RUNDC3B: variants seen among roughly 807,000 people sequenced by gnomAD.
RUNDC3B encodes RUN domain containing 3B, also known as RUN domain-containing protein 3B.
A neutral mutation model predicts 58.4 loss-of-function variants in RUNDC3B; 33 were observed. That is an observed-to-expected ratio of 0.56 (90% confidence interval 0.43 to 0.75). The LOEUF is 0.75. Ranked by LOEUF, RUNDC3B falls within the 30% of genes least tolerant of loss-of-function variation. The pLI, the probability that RUNDC3B is intolerant of heterozygous loss-of-function variation, is 0.00. For synonymous variants in RUNDC3B, 193 were observed against 195.2 expected (o/e 0.99, Z 0.10); for missense variants, 501 against 535.7 (o/e 0.94, Z 0.64).
intron 1 of RUNDC3B, among the ~76,000 whole-genome samples, chr7:87,637,108 T>C (rs938397934): frequency 6.6e-6 from 1 of 152,092 alleles, no homozygotes; most frequent in South Asian, 2.1e-4. Context: ...TCCCATCTGC[T>C]CCCTCCCATG....
chr7:87,752,317 G>A (rs1387353841), intron 6 of RUNDC3B, among the ~76,000 whole-genome samples: 1 of 152,166 alleles, frequency 6.6e-6, no homozygotes, highest in African/African-American at 2.4e-5. Flanking sequence ...GTTCATCAAG[G>A]ATATTGGTCT....
chr7:87,697,850 A>G (rs554963948), intron 2 of RUNDC3B, among the ~76,000 whole-genome samples: 145 of 152,298 alleles, frequency 9.5e-4, no homozygotes, highest in Middle Eastern at 3.4e-3. Context: ...ATAGCTAGAA[A>G]GTGATCTAGT....
At chr7:87,662,410 T>C (rs1212889596) in intron 2 of RUNDC3B, among the ~76,000 whole-genome samples, 3 of 152,144 alleles carry the variant, frequency 2.0e-5, no homozygotes, top group Admixed American at 6.6e-5. Context: ...ATTTAATCCA[T>C]TTTGATTTGA....
chr7:87,813,854 G>T (rs186510392), intron 9 of RUNDC3B, among the ~76,000 whole-genome samples: 2 of 151,778 alleles, frequency 1.3e-5, no homozygotes, highest in East Asian at 2.0e-4. Flanking sequence ...GGTGGCAGGC[G>T]CCTGTAATCC....
intron 2 of RUNDC3B, among the ~76,000 whole-genome samples, chr7:87,693,510 T>C (rs1223987701): frequency 2.0e-5 from 3 of 152,224 alleles, no homozygotes; most frequent in Non-Finnish European, 2.9e-5. Context: ...GTGATTTTTT[T>C]TCCTAACCAA....
At chr7:87,703,753 C>T (rs2130709612) in intron 3 of RUNDC3B, among the ~76,000 whole-genome samples, 1 of 151,660 alleles carries the variant, frequency 6.6e-6, no homozygotes, top group South Asian at 2.1e-4. Flanking sequence ...AACTATTGTC[C>T]TTTGACCTCT....
intron 8 of RUNDC3B, among the ~76,000 whole-genome samples, chr7:87,799,449 AG>A (rs1171177546): frequency 9.9e-5 from 15 of 152,062 alleles, no homozygotes; most frequent in Non-Finnish European, 1.9e-4. Flanking sequence ...ATTGCTACCT[AG>A]GTATTCTTTC....
intron 2 of RUNDC3B, among the ~76,000 whole-genome samples, chr7:87,656,214 A>AAACATGT (rs2130415207): frequency 1.3e-5 from 2 of 152,284 alleles, no homozygotes; most frequent in South Asian, 4.1e-4. Context: ...ACAAATTTCA[A>AAACATGT]AACATGTATA....
intron 6 of RUNDC3B, among the ~76,000 whole-genome samples, chr7:87,765,907 C>T (rs1032904619): frequency 6.6e-6 from 1 of 151,914 alleles, no homozygotes; most frequent in Non-Finnish European, 1.5e-5. Flanking sequence ...AATTCCCTCA[C>T]TATTATTGTA....
intron 8 of RUNDC3B, among the ~76,000 whole-genome samples, chr7:87,788,052 T>C (rs1162653925): frequency 6.6e-6 from 1 of 152,202 alleles, no homozygotes; most frequent in Non-Finnish European, 1.5e-5. Context: ...TGTAATTCTT[T>C]TTGTCAGTCA....
intron 9 of RUNDC3B, 41 bp from the exon 10 acceptor site, chr7:87,816,100 G>T (rs892111639): frequency 2.8e-6 from 4 of 1,437,194 alleles, no homozygotes; most frequent in Non-Finnish European, 3.8e-6. Flanking sequence ...TTATTTTTTT[G>T]TGAAAAGAAA....
chr7:87,759,396 T>A (rs2130850412), intron 6 of RUNDC3B, among the ~76,000 whole-genome samples: 1 of 152,174 alleles, frequency 6.6e-6, no homozygotes, highest in South Asian at 2.1e-4. Context: ...TTAGAATGAA[T>A]AAGATCTAGT....
chr7:87,704,299 A>AATT (rs1034742328), intron 3 of RUNDC3B, among the ~76,000 whole-genome samples: 3 of 152,170 alleles, frequency 2.0e-5, no homozygotes, highest in Non-Finnish European at 2.9e-5. Context: ...GGCTAAGGTT[A>AATT]AAGATTAGCT....
At chr7:87,784,340 G>A (rs1835093653) in intron 8 of RUNDC3B, among the ~76,000 whole-genome samples, 1 of 152,066 alleles carries the variant, frequency 6.6e-6, no homozygotes, top group Non-Finnish European at 1.5e-5. Context: ...ATCTGAGGGG[G>A]CTAGTGTTTC....
At chr7:87,696,989 T>A (rs931690229) in intron 2 of RUNDC3B, among the ~76,000 whole-genome samples, 1 of 152,224 alleles carries the variant, frequency 6.6e-6, no homozygotes, top group African/African-American at 2.4e-5. Context: ...CAGGGCTTTT[T>A]AAATACTCTT....
At chr7:87,656,319 A>C (rs1824097857) in intron 2 of RUNDC3B, among the ~76,000 whole-genome samples, 5 of 152,110 alleles carry the variant, frequency 3.3e-5, no homozygotes, top group Admixed American at 3.3e-4. Flanking sequence ...CAAAGAAAAA[A>C]GAAGAAAGAA....
At chr7:87,801,801 TA>T (rs1046713478) in intron 8 of RUNDC3B, among the ~76,000 whole-genome samples, 1 of 152,098 alleles carries the variant, frequency 6.6e-6, no homozygotes, top group African/African-American at 2.4e-5. Flanking sequence ...CCTTCATTAT[TA>T]GAGGAGAGAG....
At chr7:87,697,722 A>G (rs1485560762) in intron 2 of RUNDC3B, among the ~76,000 whole-genome samples, 2 of 152,224 alleles carry the variant, frequency 1.3e-5, no homozygotes, top group African/African-American at 2.4e-5. Context: ...CTTGCTGCAC[A>G]TACATGATCA....
chr7:87,675,594 C>T (rs1002412915), intron 2 of RUNDC3B, among the ~76,000 whole-genome samples: 3 of 109,626 alleles, frequency 2.7e-5, no homozygotes, highest in Non-Finnish European at 5.3e-5. Flanking sequence ...CAAGAGTACA[C>T]AATAGGGAAA....
Sources: gnomAD v4.1 joint callset for allele counts (sites outside exome capture counted in the v4.1 genomes callset) on GRCh38, gnomAD v4.1.1 for gene constraint, MANE v1.5 for transcripts, NCBI Gene and HGNC (gene_info 2026-07-23, HGNC 2026-07-21) for gene names.